Variants in SLC3A1 observed in about 807,000 individuals in gnomAD.
The protein encoded by SLC3A1 is amino acid transporter heavy chain SLC3A1.
A neutral mutation model predicts 60.3 loss-of-function variants in SLC3A1; 78 were observed. That is an observed-to-expected ratio of 1.29 (90% CI 1.08 to 1.56). The LOEUF (loss-of-function observed/expected upper bound fraction) is 1.56, where lower values mean the gene tolerates loss of function less well. Ranked by LOEUF, SLC3A1 falls within the 40% of genes most tolerant of loss-of-function variation. SLC3A1 has a pLI of 0.00. For missense variants in SLC3A1, 1,172 were observed against 858.9 expected (o/e 1.36, Z -4.56); for synonymous variants, 392 against 307.9 (o/e 1.27, Z -2.86).
chr2:44,300,058 G>T lies in SLC3A1; in HGVS notation c.979G>T (p.Asp327Tyr). 1.2e-6 allele frequency: 2 copies of T among 1,613,876 alleles called. No individual in the cohort carries two copies. The change falls in exon 5 of 10, where the codon GAT becomes TAT. Residue 327 changes from aspartate (D) to tyrosine (Y), a missense_variant. Transcript: ENST00000260649. ...KFLLEAKHLR[D>Y]EIQVNKTQIP... Reference sequence around the variant, plus strand: ...CCTCCTAGAAGCAAAGCACCTGAGAGATGAGATCCAAGTAAATAAGACCCA... The same window carrying T: ...CCTCCTAGAAGCAAAGCACCTGAGATATGAGATCCAAGTAAATAAGACCCA...
At chr2:44,317,484 C>A (rs1018305939) in intron 9 of SLC3A1, 3 of 150,814 alleles carry the variant, frequency 2.0e-5, no homozygotes, top group Non-Finnish European at 4.4e-5. Context: ...AATTCAGTTC[C>A]CATGTCATAG....
intron 4 of SLC3A1, among the ~76,000 whole-genome samples, chr2:44,290,967 T>G (rs574746236): frequency 6.6e-6 from 1 of 152,310 alleles, no homozygotes; most frequent in African/African-American, 2.4e-5. Flanking sequence ...TAAGTGCTGT[T>G]CCTGGATAAT....
chr2:44,295,597 C>A (rs970134922), intron 4 of SLC3A1, among the ~76,000 whole-genome samples: 1 of 152,142 alleles, frequency 6.6e-6, no homozygotes, highest in South Asian at 2.1e-4. Flanking sequence ...GTCCATCAAG[C>A]TTTTACTGTT....
chr2:44,318,173 C>A (rs1213000911), intron 9 of SLC3A1: 1 of 433,678 alleles, frequency 2.3e-6, no homozygotes, highest in Admixed American at 2.6e-5. Flanking sequence ...ACACTGCAGC[C>A]TCTGCTTCCT....
chr2:44,315,127 G>GA (rs1330124807), intron 9 of SLC3A1: 1 of 151,748 alleles, frequency 6.6e-6, no homozygotes, highest in African/African-American at 2.4e-5. Context: ...ATTTTTAGTG[G>GA]AGACGGGGTT....
At chr2:44,299,553 TATTG>T (rs1197611839) in intron 4 of SLC3A1, among the ~76,000 whole-genome samples, 3 of 152,226 alleles carry the variant, frequency 2.0e-5, no homozygotes, top group African/African-American at 7.2e-5. Flanking sequence ...AATATTTAAC[TATTG>T]AACAATGTGT....
At chr2:44,297,397 C>G (rs1046661560) in intron 4 of SLC3A1, among the ~76,000 whole-genome samples, 2 of 152,176 alleles carry the variant, frequency 1.3e-5, no homozygotes, top group Admixed American at 6.5e-5. Context: ...CAGCCTCTGC[C>G]TCCACACTTG....
At position 44,320,336 on chromosome 2, in the gene SLC3A1, G is replaced by A. The variant is rs1451791536; in HGVS notation, c.1755G>A (p.Glu585=). 4 of 1,614,012 alleles carry A rather than the reference G, an allele frequency of 2.5e-6. No individual in the cohort carries two copies. Among genetic ancestry groups the A allele is most frequent in the Non-Finnish European group, 3.4e-6 (4 of 1,179,980 alleles). Residue 585 remains glutamate, a synonymous_variant, in exon 10 of 10, where the codon GAG becomes GAA. Transcript: ENST00000260649. The stretch of plus-strand genomic sequence containing the variant: ...GCCACTATGTTGTGTACACAAGAGA[G>A]CTGGATGGCATCGACAGAATCTTTA... The part of the protein sequence containing the change: ...NDSHYVVYTR[E]LDGIDRIFIV...
At chr2:44,297,524 GA>G (rs1671884543) in intron 4 of SLC3A1, among the ~76,000 whole-genome samples, 1 of 152,120 alleles carries the variant, frequency 6.6e-6, no homozygotes, top group Non-Finnish European at 1.5e-5. Flanking sequence ...GAAATGTCTT[GA>G]AGCTCTTGCA....
intron 4 of SLC3A1, among the ~76,000 whole-genome samples, chr2:44,287,971 G>C (rs1174308155): frequency 2.0e-5 from 3 of 151,870 alleles, no homozygotes; most frequent in African/African-American, 7.3e-5. Flanking sequence ...CCCCTTTTGA[G>C]TGTGTAATTC....
chr2:44,319,316 AT>A (rs1478026356), intron 9 of SLC3A1: 65 of 152,766 alleles, frequency 4.3e-4, no homozygotes, highest in Admixed American at 3.8e-3. Flanking sequence ...ATTTGGCATT[AT>A]GTATCAAGTG....
chr2:44,299,047 TTTTTTTA>T (rs1238495251), intron 4 of SLC3A1, among the ~76,000 whole-genome samples: 5 of 148,980 alleles, frequency 3.4e-5, no homozygotes, highest in African/African-American at 1.0e-4. Context: ...TTTTTTTTTT[TTTTTTTA>T]AAAGACAGAG....
chr2:44,281,465 C>T lies in SLC3A1; in HGVS notation c.689C>T (p.Thr230Ile). ...HIWFQLSRTR[T>I]GKYTDYYIWH... ...TGGTTTCAATTGAGTCGGACACGGACAGGAAAATATACTGATTATTATATC... is the reference window on the plus strand; with the variant it reads ...TGGTTTCAATTGAGTCGGACACGGATAGGAAAATATACTGATTATTATATC... Residue 230 changes from threonine (T) to isoleucine (I), a missense_variant, in exon 3 of 10, where the codon ACA becomes ATA. By Grantham distance (89) the Thr-to-Ile change is moderately conservative. Transcript: ENST00000260649. 3 of 1,613,480 alleles carry T rather than the reference C, an allele frequency of 1.9e-6. No individual in the cohort carries two copies. Among genetic ancestry groups the T allele is most frequent in the Non-Finnish European group, 2.5e-6 (3 of 1,179,438 alleles).
At position 44,281,472 on chromosome 2, in the gene SLC3A1, A is replaced by T; in HGVS notation, c.696A>T (p.Lys232Asn). Reference sequence around the variant, plus strand: ...AATTGAGTCGGACACGGACAGGAAAATATACTGATTATTATATCTGGCATG... The same window carrying T: ...AATTGAGTCGGACACGGACAGGAAATTATACTGATTATTATATCTGGCATG... The part of the protein sequence containing the change: ...WFQLSRTRTG[K>N]YTDYYIWHDC... The change falls in exon 3 of 10, where the codon AAA becomes AAT. Residue 232 changes from lysine to asparagine, a missense_variant. Lys to Asn is a moderately conservative substitution (Grantham distance 94). Coordinates refer to ENST00000260649, the MANE Select transcript of SLC3A1 (RefSeq NM_000341.4). 6.2e-7 allele frequency: 1 copy of T among 1,613,996 alleles called. No individual in the cohort carries two copies. The highest frequency in any genetic ancestry group is 1.1e-5 in the South Asian group (1 of 91,086).
At chr2:44,306,524 C>G (rs111237513) in intron 7 of SLC3A1, among the ~76,000 whole-genome samples, 3 of 147,508 alleles carry the variant, frequency 2.0e-5, no homozygotes, top group African/African-American at 7.5e-5. Context: ...ACAGCTTTGT[C>G]GAGATATAAT....
chr2:44,317,621 T>A (rs1486897222), intron 9 of SLC3A1: 9 of 152,684 alleles, frequency 5.9e-5, no homozygotes, highest in Admixed American at 3.3e-4. Context: ...CAAGTGGTCA[T>A]AATTTTAATG....
chr2:44,309,952 T>A lies in SLC3A1; in HGVS notation c.1333-2634T>A, dbSNP rs578177486. ...CATCACCTAGGCTGGAGCACTGTGG[T>A]GTGAACATGGCTCACTGCAGCCTTG... On this transcript the variant is annotated intron_variant, in intron 7 of 9. Transcript: ENST00000260649. Among the ~76,000 whole-genome samples the A allele has an allele frequency of 7.7e-4, 117 of 151,876 alleles. 1 individual carries two copies. The highest frequency in any genetic ancestry group is 2.8e-3 in the African/African-American group (117 of 41,298).
chr2:44,304,147 A>T lies in SLC3A1; in HGVS notation c.1141A>T (p.Met381Leu). 6.2e-7 allele frequency: 1 copy of T among 1,613,718 alleles called. No individual in the cohort carries two copies. The highest frequency in any genetic ancestry group is 8.5e-7 in the Non-Finnish European group (1 of 1,179,588). Residue 381 changes from methionine (M) to leucine (L), a missense_variant, in exon 7 of 10, where the codon ATG becomes TTG. By Grantham distance (15) the Met-to-Leu change is conservative. Coordinates refer to ENST00000260649, the MANE Select transcript of SLC3A1 (RefSeq NM_000341.4). Reference sequence around the variant, plus strand: ...GAACCTTGTCAACTCTTATAGGTTCATGGGGACTGAAGCCTATGCAGAGAG... The same window carrying T: ...GAACCTTGTCAACTCTTATAGGTTCTTGGGGACTGAAGCCTATGCAGAGAG... The part of the protein sequence containing the change: ...YSTEPGRYRF[M>L]GTEAYAESID...
At position 44,301,738 on chromosome 2, in the gene SLC3A1, C is replaced by CAAA. The variant is rs10657360; in HGVS notation, c.1136+627_1136+629dup. On this transcript the variant is annotated intron_variant, in intron 6 of 9. Coordinates refer to ENST00000260649, the MANE Select transcript of SLC3A1 (RefSeq NM_000341.4). ...TGGGCGACAGAGCGAGACTCCATCA[C>CAAA]AAAAAAAAAAAAAAAAAAGAACCAA... 9.7e-3 allele frequency among the ~76,000 whole-genome samples: 903 copies of CAAA among 93,260 alleles called. 35 individuals carry two copies. Among genetic ancestry groups the CAAA allele is most frequent in the African/African-American group, 0.02 (473 of 23,106 alleles). The allele number at this position is 93,260 out of a possible 152,430, so 61.2% of individuals were successfully genotyped here.
Sources: allele counts gnomAD v4.1 joint callset (sites outside exome capture counted in the v4.1 genomes callset), GRCh38; gene constraint gnomAD v4.1.1; transcripts MANE v1.5; gene names NCBI Gene and HGNC (gene_info 2026-07-23, HGNC 2026-07-21).